The following RARB variants were observed in gnomAD, a reference collection of about 807,000 sequenced individuals.
RARB encodes the protein HBV-activated protein.
A neutral mutation model predicts 51.9 loss-of-function variants in RARB; 17 were observed. That is an observed-to-expected ratio of 0.33 (90% CI 0.22 to 0.49). RARB has a LOEUF of 0.49. RARB is among the 20% of genes least tolerant of loss of function. RARB has a pLI of 0.99. For missense variants in RARB, 369 were observed against 550.8 expected (o/e 0.67, Z 3.30); for synonymous variants, 215 against 195.4 (o/e 1.10, Z -0.84).
At chr3:25,187,281 A>G (rs944106436) in intron 5 of RARB, among the ~76,000 whole-genome samples, 1 of 152,100 alleles carries the variant, frequency 6.6e-6, no homozygotes, top group Non-Finnish European at 1.5e-5. Flanking sequence ...TTGTTTAGAA[A>G]AATAGGTATT....
chr3:25,579,080 C>T (rs1038810445), intron 4 of RARB, among the ~76,000 whole-genome samples: 1 of 152,178 alleles, frequency 6.6e-6, no homozygotes, highest in Non-Finnish European at 1.5e-5. Context: ...TGATCTCTAA[C>T]ACCTAATAGC....
chr3:25,510,124 CAT>C (rs989257733), intron 3 of RARB, among the ~76,000 whole-genome samples: 1 of 152,178 alleles, frequency 6.6e-6, no homozygotes, highest in Non-Finnish European at 1.5e-5. Flanking sequence ...GGACAGGAAT[CAT>C]ATTCTGATTC....
At chr3:25,350,888 G>A (rs17016253) in intron 5 of RARB, among the ~76,000 whole-genome samples, 1 of 152,168 alleles carries the variant, frequency 6.6e-6, no homozygotes, top group Admixed American at 6.5e-5. Context: ...TGTACCCTCT[G>A]CCAGTTCCCA....
intron 2 of RARB, among the ~76,000 whole-genome samples, chr3:24,963,242 G>A (rs1023986521): frequency 6.6e-6 from 1 of 152,008 alleles, no homozygotes; most frequent in Non-Finnish European, 1.5e-5. Flanking sequence ...TGTTTGAAAT[G>A]GGGTAAGCTC....
At chr3:25,222,230 G>A (rs546671135) in intron 5 of RARB, among the ~76,000 whole-genome samples, 1 of 152,240 alleles carries the variant, frequency 6.6e-6, no homozygotes, top group East Asian at 1.9e-4. Context: ...AGGCCCAGGA[G>A]GCCTATATAA....
chr3:25,224,467 A>G (rs539029347), intron 5 of RARB, among the ~76,000 whole-genome samples: 1 of 152,302 alleles, frequency 6.6e-6, no homozygotes, highest in African/African-American at 2.4e-5. Context: ...TCTCCTGGAA[A>G]TCACAATGAA....
intron 3 of RARB, among the ~76,000 whole-genome samples, chr3:25,127,298 C>A (rs1699876162): frequency 6.6e-6 from 1 of 152,156 alleles, no homozygotes; most frequent in Admixed American, 6.5e-5. Flanking sequence ...CACTACTGGG[C>A]CTTGCCACGG....
intron 5 of RARB, among the ~76,000 whole-genome samples, chr3:25,191,996 G>A (rs1384721224): frequency 6.6e-6 from 1 of 152,082 alleles, no homozygotes; most frequent in East Asian, 1.9e-4. Flanking sequence ...TCGAATCACG[G>A]CAGTTATTCT....
At chr3:25,561,500 C>G (rs1397146977) in intron 3 of RARB, among the ~76,000 whole-genome samples, 1 of 151,778 alleles carries the variant, frequency 6.6e-6, no homozygotes, top group African/African-American at 2.4e-5. Context: ...TCACTGGGCT[C>G]TCTACTGGGT....
At chr3:25,538,612 C>T (rs1699241797) in intron 3 of RARB, among the ~76,000 whole-genome samples, 1 of 152,192 alleles carries the variant, frequency 6.6e-6, no homozygotes, top group Non-Finnish European at 1.5e-5. Context: ...CAACTTGATA[C>T]TGCTGCAACA....
upstream of RARB, chr3:25,428,156 G>C (rs907675308): frequency 9.5e-7 from 1 of 1,054,076 alleles, no homozygotes. Flanking sequence ...GAGAATCCTG[G>C]GAGTTGGTGA....
chr3:25,252,217 T>C (rs538398783), intron 5 of RARB, among the ~76,000 whole-genome samples: 12 of 152,326 alleles, frequency 7.9e-5, no homozygotes, highest in African/African-American at 2.9e-4. Flanking sequence ...TTGATCTATA[T>C]GTCTATTCTT....
Position 25,207,652 on chromosome 3 carries a change from G to A in RARB, c.178+33077G>A, listed in dbSNP as rs559293957. Among the ~76,000 whole-genome samples the A allele has an allele frequency of 3.3e-5, 5 of 152,102 alleles. No individual in the cohort carries two copies. The South Asian group carries it at 8.3e-4, about 25-fold the overall frequency. ...TTAATTATTTAATTTCTCTCTCCCT[G>A]CGGGAATAAAACCCTGTAAAGAGTT... is the stretch of plus-strand genomic sequence containing the variant. On this transcript the variant is annotated intron_variant, in intron 5 of 11. Coordinates refer to the RARB transcript ENST00000383772.
At chr3:25,362,862 A>G (rs373373643) in intron 5 of RARB, among the ~76,000 whole-genome samples, 45 of 152,282 alleles carry the variant, frequency 3.0e-4, no homozygotes, top group South Asian at 8.3e-4. Flanking sequence ...TGCAGAGATC[A>G]CCAGCCTTCT....
chr3:25,148,255 C>T (rs1700226356), intron 4 of RARB, among the ~76,000 whole-genome samples: 1 of 115,026 alleles, frequency 8.7e-6, no homozygotes, highest in African/African-American at 2.8e-5. Context: ...GTCTAAGAAA[C>T]ACACCGTTCA....
intron 5 of RARB, among the ~76,000 whole-genome samples, chr3:25,333,057 C>T (rs1156383149): frequency 6.6e-6 from 1 of 152,226 alleles, no homozygotes; most frequent in Admixed American, 6.5e-5. Flanking sequence ...ACACTCCATG[C>T]TCATGGATAG....
intron 5 of RARB, among the ~76,000 whole-genome samples, chr3:25,269,100 T>C (rs936052891): frequency 6.6e-6 from 1 of 152,146 alleles, no homozygotes; most frequent in African/African-American, 2.4e-5. Flanking sequence ...CAATAAACTG[T>C]CAAACCAATA....
At chr3:25,159,665 C>T (rs963696257) in intron 4 of RARB, among the ~76,000 whole-genome samples, 2 of 152,098 alleles carry the variant, frequency 1.3e-5, no homozygotes, top group Admixed American at 6.5e-5. Flanking sequence ...CCTCTTTGAT[C>T]TCTTAGTCAT....
At chr3:25,196,623 C>T (rs972373122) in intron 5 of RARB, among the ~76,000 whole-genome samples, 7 of 152,216 alleles carry the variant, frequency 4.6e-5, no homozygotes, top group Admixed American at 4.6e-4. Flanking sequence ...ATTACTAGTT[C>T]TAGATTCTTG....
Sources: allele counts gnomAD v4.1 joint callset (sites outside exome capture counted in the v4.1 genomes callset), GRCh38; gene constraint gnomAD v4.1.1; transcripts MANE v1.5; gene names NCBI Gene and HGNC (gene_info 2026-07-23, HGNC 2026-07-21).